Variants in CACNA2D3 observed in about 807,000 individuals in gnomAD.
The protein encoded by CACNA2D3 is voltage-dependent calcium channel subunit alpha-2/delta-3.
In CACNA2D3, 60 loss-of-function variants were observed where a neutral mutation model predicts 160.6. The observed-to-expected ratio is 0.37, with a 90% CI of 0.30 to 0.46. The LOEUF (loss-of-function observed/expected upper bound fraction) is 0.46. Among genes scored for constraint, CACNA2D3 ranks in the 20% least tolerant of loss-of-function variants. The probability of loss-of-function intolerance (pLI) is 1.00; values close to 1 mark genes in which losing one functional copy is unlikely to be tolerated. For synonymous variants in CACNA2D3, 558 were observed against 492.9 expected (o/e 1.13, Z -1.75); for missense variants, 1,205 against 1,365.0 (o/e 0.88, Z 1.85).
rs976588386 is a variant in CACNA2D3, at chr3:54,559,000, A to G, written c.545-3800A>G. ...AGGAGGTAAAGTAAGCACCACGCCTATACCCCGGGAAGGACCCAGTGAAAG... is the reference window on the plus strand; with the variant it reads ...AGGAGGTAAAGTAAGCACCACGCCTGTACCCCGGGAAGGACCCAGTGAAAG... On this transcript the variant is annotated intron_variant, in intron 5 of 37. Coordinates refer to ENST00000474759, the MANE Select transcript of CACNA2D3 (RefSeq NM_018398.3). Among the ~76,000 whole-genome samples, 37 of 152,110 alleles carry G rather than the reference A, an allele frequency of 2.4e-4. 1 individual carries two copies. Among genetic ancestry groups the G allele is most frequent in the Non-Finnish European group, 4.6e-4 (31 of 68,022 alleles).
chr3:54,666,929 G>A (rs1163724888), intron 11 of CACNA2D3, among the ~76,000 whole-genome samples: 1 of 152,168 alleles, frequency 6.6e-6, no homozygotes, highest in Admixed American at 6.5e-5. Context: ...CTCTGCCCAG[G>A]TGGATGGCTG....
intron 2 of CACNA2D3, among the ~76,000 whole-genome samples, chr3:54,171,136 C>CTTTTTTTTTTTTTGTTTTTTTTTT (rs1700558505): frequency 1.6e-5 from 1 of 62,542 alleles, no homozygotes; most frequent in African/African-American, 5.5e-5. Context: ...AAGATGATGA[C>CTTTTTTTTTTTTTGTTTTTTTTTT]TTTTTTTTTT....
intron 2 of CACNA2D3, among the ~76,000 whole-genome samples, chr3:54,200,860 A>G (rs1701164238): frequency 6.6e-6 from 1 of 152,240 alleles, no homozygotes; most frequent in Admixed American, 6.5e-5. Context: ...TTTGGAAAAT[A>G]GGAACTTTTT....
chr3:54,719,160 TTTC>T (rs1387625009), intron 11 of CACNA2D3, among the ~76,000 whole-genome samples: 2 of 123,166 alleles, frequency 1.6e-5, no homozygotes, highest in African/African-American at 7.0e-5. Context: ...TTGCACTGGA[TTTC>T]TTTTTTTTTT....
At chr3:54,496,902 C>T (rs2106932578) in intron 4 of CACNA2D3, among the ~76,000 whole-genome samples, 1 of 152,190 alleles carries the variant, frequency 6.6e-6, no homozygotes, top group African/African-American at 2.4e-5. Context: ...ACCTAAGCAC[C>T]TTTATTTGAT....
chr3:54,244,747 C>G lies in CACNA2D3; in HGVS notation c.205-75695C>G, dbSNP rs1429709965. Among the ~76,000 whole-genome samples the G allele has an allele frequency of 2.0e-5, 3 of 152,202 alleles. No individual in the cohort carries two copies. The East Asian group carries it at 5.8e-4, about 29-fold the overall frequency. The stretch of plus-strand genomic sequence containing the variant: ...AATATTTAAATCAAACAGCAATTTG[C>G]AAGACTTTAGCTTCATTGTAAGTAA... On this transcript the variant is annotated intron_variant, in intron 2 of 37. Transcript: ENST00000474759.
intron 9 of CACNA2D3, among the ~76,000 whole-genome samples, chr3:54,582,765 C>T (rs766164061): frequency 6.6e-6 from 1 of 152,156 alleles, no homozygotes; most frequent in Non-Finnish European, 1.5e-5. Context: ...GGAGAGAATC[C>T]CCTGGCTCGT....
At position 54,830,315 on chromosome 3, in the gene CACNA2D3, G is replaced by A. The variant is rs2951876; in HGVS notation, c.1399-6844G>A. On this transcript the variant is annotated intron_variant, in intron 14 of 37. Coordinates refer to ENST00000474759, the MANE Select transcript of CACNA2D3 (RefSeq NM_018398.3). ...CTCGTCTGATTTATAGATGTGCACA[G>A]CTGTGTTTTTCCACCTCTTAGTACT... 5.3e-3 allele frequency among the ~76,000 whole-genome samples: 808 copies of A among 152,200 alleles called. 8 individuals carry two copies. Among genetic ancestry groups the A allele is most frequent in the African/African-American group, 0.017 (717 of 41,530 alleles).
At chr3:55,044,609 T>C (rs917301325) in intron 35 of CACNA2D3, among the ~76,000 whole-genome samples, 3 of 151,966 alleles carry the variant, frequency 2.0e-5, no homozygotes, top group Admixed American at 2.0e-4. Context: ...TCTTTTTTTT[T>C]CTCTCTCTCT....
chr3:54,941,504 C>T (rs1012168569), intron 27 of CACNA2D3, among the ~76,000 whole-genome samples: 3 of 152,074 alleles, frequency 2.0e-5, no homozygotes, highest in Admixed American at 6.6e-5. Context: ...CATTGTTCAT[C>T]GTTTTTATAA....
chr3:54,243,451 T>C (rs1171809782), intron 2 of CACNA2D3, among the ~76,000 whole-genome samples: 3 of 152,210 alleles, frequency 2.0e-5, no homozygotes, highest in African/African-American at 7.2e-5. Context: ...CAAAGCCCAG[T>C]TGGTGACCCA....
At chr3:54,167,455 C>T (rs76465118) in intron 2 of CACNA2D3, among the ~76,000 whole-genome samples, 3,675 of 152,160 alleles carry the variant, frequency 0.024, 160 homozygotes, top group African/African-American at 0.084. Context: ...TGCCATACAC[C>T]GCAGAGCCTG....
chr3:54,317,772 C>G (rs545735478), intron 2 of CACNA2D3, among the ~76,000 whole-genome samples: 68 of 152,290 alleles, frequency 4.5e-4, no homozygotes, highest in Middle Eastern at 6.8e-3. Context: ...CTCCTGACCT[C>G]AGGTGATCCA....
chr3:54,670,773 A>G (rs1575415803), intron 11 of CACNA2D3, among the ~76,000 whole-genome samples: 1 of 152,104 alleles, frequency 6.6e-6, no homozygotes. Flanking sequence ...GCAGACACAC[A>G]CCCTCAGCCT....
intron 17 of CACNA2D3, among the ~76,000 whole-genome samples, chr3:54,848,544 GTCTCTC>G (rs66604760): frequency 0.11 from 16,909 of 152,216 alleles, 1,006 homozygotes; most frequent in South Asian, 0.21. Context: ...CCATTCATCT[GTCTCTC>G]ACCCTGAGGC....
intron 13 of CACNA2D3, among the ~76,000 whole-genome samples, chr3:54,790,821 G>T (rs1702739475): frequency 6.6e-6 from 1 of 152,128 alleles, no homozygotes; most frequent in Admixed American, 6.6e-5. Context: ...TCCAGAAGGG[G>T]CTTTTCTTTC....
chr3:54,991,415 G>A (rs1166891966), intron 31 of CACNA2D3, among the ~76,000 whole-genome samples: 2 of 151,974 alleles, frequency 1.3e-5, no homozygotes, highest in Non-Finnish European at 2.9e-5. Context: ...TAGAGACGGG[G>A]TTTCACCATG....
intron 2 of CACNA2D3, among the ~76,000 whole-genome samples, chr3:54,235,309 T>C (rs1044219475): frequency 2.6e-5 from 4 of 152,212 alleles, no homozygotes; most frequent in African/African-American, 7.2e-5. Flanking sequence ...AAAGAGGTTT[T>C]ATTGGCTCAC....
rs533829499 is a variant in CACNA2D3 at position 54,286,653 on chromosome 3, G to C, written c.205-33789G>C. ...CAGATTCACCAAAGTTGAAATGAAG[G>C]AAAAAATGTTAAGGGCAGCCAGAGA... On this transcript the variant is annotated intron_variant, in intron 2 of 37. Transcript: ENST00000474759. Among the ~76,000 whole-genome samples the C allele has an allele frequency of 5.1e-3, 783 of 152,194 alleles. 6 individuals carry two copies. The highest frequency in any genetic ancestry group is 0.018 in the African/African-American group (735 of 41,514).
Sources: gnomAD v4.1 joint callset for allele counts (sites outside exome capture counted in the v4.1 genomes callset) on GRCh38, gnomAD v4.1.1 for gene constraint, MANE v1.5 for transcripts, NCBI Gene and HGNC (gene_info 2026-07-23, HGNC 2026-07-21) for gene names.